The following KRT7 variants were observed in gnomAD, a reference collection of about 807,000 sequenced individuals.
The protein encoded by KRT7 is keratin, type II cytoskeletal 7.
Under a neutral mutation model 42.8 loss-of-function variants are expected in KRT7, and 50 were observed. The ratio of observed to expected loss-of-function variants is 1.17; its 90% CI spans 0.93 to 1.48. KRT7 has a LOEUF of 1.48. Ranked by LOEUF, KRT7 falls within the 40% of genes most tolerant of loss-of-function variation. The probability of loss-of-function intolerance (pLI) is 0.00; values close to 1 mark genes in which losing one functional copy is unlikely to be tolerated. For missense variants in KRT7, 588 were observed against 637.6 expected (o/e 0.92, Z 0.84); for synonymous variants, 268 against 266.3 (o/e 1.01, Z -0.06).
chr12:52,253,261 G>A (rs1397493354), downstream of KRT7: 1 of 1,611,582 alleles, frequency 6.2e-7, no homozygotes, highest in Non-Finnish European at 8.5e-7. Context: ...GGATCATGCG[G>A]TTCAGCTCGT....
At position 52,245,516 on chromosome 12, in the gene KRT7, G is replaced by T. The variant is rs573835587; in HGVS notation, c.1089G>T (p.Arg363=). The part of the protein sequence containing the change: ...KQEELEAALQ[R]GKQDMARQLR... ...AGGAGCTGGAAGCCGCCCTGCAGCGGGGCAAGCAGGATATGGCACGGCAGC... is the reference window on the plus strand; with the variant it reads ...AGGAGCTGGAAGCCGCCCTGCAGCGTGGCAAGCAGGATATGGCACGGCAGC... Residue 363 remains arginine (R), a synonymous_variant, in exon 7 of 9, where the codon CGG becomes CGT. Coordinates refer to ENST00000331817, the MANE Select transcript of KRT7 (RefSeq NM_005556.4). 6.2e-7 allele frequency: 1 copy of T among 1,614,060 alleles called. No homozygotes were observed. The highest frequency in any genetic ancestry group is 8.5e-7 in the Non-Finnish European group (1 of 1,179,908).
rs762265672 is a variant in KRT7 at position 52,233,283 on chromosome 12, C to T, written c.-14C>T. On this transcript the variant is annotated 5_prime_UTR_variant, in exon 1 of 9. Coordinates refer to ENST00000331817, the MANE Select transcript of KRT7 (RefSeq NM_005556.4). ...CTCCTCGCCCGCCGCTAGGTCCATC[C>T]CGGCCCAGCCACCATGTCCATCCAC... 6.5e-7 allele frequency: 1 copy of T among 1,533,538 alleles called. No homozygotes were observed. The highest frequency in any genetic ancestry group is 8.7e-7 in the Non-Finnish European group (1 of 1,147,796). The allele number at this position is 1,533,538 out of a possible 1,614,324, so 95.0% of individuals were successfully genotyped here.
chr12:52,253,502 C>A, downstream of KRT7: 1 of 1,564,906 alleles, frequency 6.4e-7, no homozygotes, highest in Non-Finnish European at 8.7e-7. Flanking sequence ...TCTTCCCATC[C>A]GTAGGGACCA....
downstream of KRT7, chr12:52,252,022 C>G (rs1316077651): frequency 1.7e-5 from 12 of 700,354 alleles, no homozygotes; most frequent in Non-Finnish European, 3.1e-5. Flanking sequence ...AAATGGATTA[C>G]TTACAGACAT....
At chr12:52,245,360 G>A in intron 6 of KRT7, 52 bp from the exon 7 acceptor site, 1 of 1,586,686 alleles carries the variant, frequency 6.3e-7, no homozygotes, top group Non-Finnish European at 8.6e-7. Context: ...GGATGGGCAG[G>A]CAGGAAGGCA....
At chr12:52,238,919 C>T (rs1172348293) in intron 4 of KRT7, 144 bp downstream of exon 4, 2 of 611,168 alleles carry the variant, frequency 3.3e-6, no homozygotes, top group East Asian at 5.6e-5. Context: ...AAAGAATGGA[C>T]TCAGAGACCT....
chr12:52,233,573 G>C lies in KRT7; in HGVS notation c.277G>C (p.Glu93Gln). 6.2e-6 allele frequency: 10 copies of C among 1,613,098 alleles called. No individual in the cohort carries two copies. Among genetic ancestry groups the C allele is most frequent in the Non-Finnish European group, 8.5e-6 (10 of 1,179,796 alleles). ...CCAGCGGGTGCGCCAGGAGGAGAGC[G>C]AGCAGATCAAGACCCTCAACAACAA... ...SLQRVRQEES[E>Q]QIKTLNNKFA... Residue 93 changes from glutamate (E) to glutamine (Q), a missense_variant, in exon 1 of 9, where the codon GAG (glutamate) becomes CAG (glutamine). Glu to Gln is a conservative substitution (Grantham distance 29). Coordinates refer to ENST00000331817, the MANE Select transcript of KRT7 (RefSeq NM_005556.4).
At position 52,233,449 on chromosome 12, in the gene KRT7, G is replaced by C; in HGVS notation, c.153G>C (p.Val51=). Residue 51 remains valine (V), a synonymous_variant, in exon 1 of 9, where the codon GTG becomes GTC. Coordinates refer to ENST00000331817, the MANE Select transcript of KRT7 (RefSeq NM_005556.4). ...GCGCCTCACGGCCGCGCGTGGCCGTGCGCTCTGCCTATGGGGGCCCGGTGG... is the reference window on the plus strand; with the variant it reads ...GCGCCTCACGGCCGCGCGTGGCCGTCCGCTCTGCCTATGGGGGCCCGGTGG... ...GLGASRPRVA[V]RSAYGGPVGA... is the part of the protein sequence containing the mutation. The C allele has an allele frequency of 6.3e-7, 1 of 1,586,914 alleles. No homozygotes were observed. Among genetic ancestry groups the C allele is most frequent in the Non-Finnish European group, 8.5e-7 (1 of 1,171,148 alleles).
Position 52,241,569 on chromosome 12 carries a change from T to G in KRT7, c.791T>G (p.Val264Gly), listed in dbSNP as rs1244968622. 1 of 1,613,946 alleles carries G rather than the reference T, an allele frequency of 6.2e-7. No homozygotes were observed. Among genetic ancestry groups the G allele is most frequent in the South Asian group, 1.1e-5 (1 of 91,042 alleles). Residue 264 changes from valine (V) to glycine (G), a missense_variant, in exon 5 of 9, where the codon GTC (valine) becomes GGC (glycine). Transcript: ENST00000331817. ...SLDLDGIIAEVKAQYEEMAKC... is the reference protein window; with the variant it reads ...SLDLDGIIAEGKAQYEEMAKC... ...GACCTGGACGGCATCATCGCTGAGG[T>G]CAAGGCGCAGTATGAGGAGATGGCC...
At chr12:52,236,199 C>A (rs993731433) in intron 2 of KRT7, among the ~76,000 whole-genome samples, 1 of 149,462 alleles carries the variant, frequency 6.7e-6, no homozygotes, top group Admixed American at 6.7e-5. Flanking sequence ...TGTGGAGTGC[C>A]CCCCCCCAAC....
At chr12:52,253,439 A>G (rs937525701), downstream of KRT7, 1 of 1,554,594 alleles carries the variant, frequency 6.4e-7, no homozygotes, top group African/African-American at 1.4e-5. Context: ...AGCCTGTGCA[A>G]CCACACATGG....
chr12:52,234,141 C>T (rs1565715607), intron 1 of KRT7, among the ~76,000 whole-genome samples: 1 of 147,416 alleles, frequency 6.8e-6, no homozygotes, highest in African/African-American at 2.5e-5. Context: ...GGGGGGGCTC[C>T]CGCCCCTCCC....
At position 52,235,222 on chromosome 12, in the gene KRT7, C is replaced by A. The variant is rs538472287; in HGVS notation, c.392C>A (p.Ser131Ter). The change falls in exon 2 of 9, where the codon TCG (serine) becomes TAG (stop). Residue 131 changes from serine to a stop codon, truncating the protein, a stop_gained. Transcript: ENST00000331817. LOFTEE classifies it high-confidence loss of function. ...TKWTLLQEQK[S>*]AKSSRLPDIF... ...TGGACGCTGCTGCAGGAGCAGAAGTCGGCCAAGAGCAGCCGCCTCCCAGAC... is the reference window on the plus strand; with the variant it reads ...TGGACGCTGCTGCAGGAGCAGAAGTAGGCCAAGAGCAGCCGCCTCCCAGAC... The A allele has an allele frequency of 2.5e-6, 4 of 1,614,154 alleles. No homozygotes were observed. The Admixed American group carries it at 5.0e-5, about 20-fold the overall frequency.
At chr12:52,237,838 T>G in intron 3 of KRT7, 1 of 300,226 alleles carries the variant, frequency 3.3e-6, no homozygotes. Context: ...AGAGGGAGAT[T>G]TCAACACTGA....
chr12:52,246,974 G>A (rs1942182764), intron 7 of KRT7, among the ~76,000 whole-genome samples: 1 of 152,156 alleles, frequency 6.6e-6, no homozygotes, highest in Non-Finnish European at 1.5e-5. Context: ...ATCCTCTTCT[G>A]AAAGCTTAAT....
At chr12:52,237,837 T>G in intron 3 of KRT7, 2 of 299,746 alleles carry the variant, frequency 6.7e-6, no homozygotes, top group Non-Finnish European at 6.1e-6. Context: ...TAGAGGGAGA[T>G]TTCAACACTG....
rs1043576587 is a variant in KRT7, at chr12:52,233,413, C to G, written c.117C>G (p.Leu39=). The change falls in exon 1 of 9, where the codon CTC becomes CTG. Residue 39 remains leucine (L), a synonymous_variant. Transcript: ENST00000331817. ...CCGGCGGCCTTGGCAGCAGCAGCCT[C>G]TACGGCCTCGGCGCCTCACGGCCGC... ...ARPGGLGSSS[L]YGLGASRPRV... 3 of 1,562,642 alleles carry G rather than the reference C, an allele frequency of 1.9e-6. No homozygotes were observed. The highest frequency in any genetic ancestry group is 2.6e-6 in the Non-Finnish European group (3 of 1,161,004).
downstream of KRT7, chr12:52,251,740 A>G (rs1942269388): frequency 2.9e-6 from 1 of 347,806 alleles, no homozygotes; most frequent in Non-Finnish European, 5.6e-6. Context: ...TTAAGTTACT[A>G]TAAGCACTCA....
intron 3 of KRT7, 98 bp downstream of exon 3, chr12:52,237,667 C>T (rs1592389876): frequency 1.0e-6 from 1 of 955,342 alleles, no homozygotes; most frequent in East Asian, 2.5e-5. Context: ...GACCTCTGGC[C>T]AAGGCCTGCC....
Sources: gnomAD v4.1 joint callset for allele counts (sites outside exome capture counted in the v4.1 genomes callset) on GRCh38, gnomAD v4.1.1 for gene constraint, MANE v1.5 for transcripts, NCBI Gene and HGNC (gene_info 2026-07-23, HGNC 2026-07-21) for gene names.